BRD8: variants seen among roughly 807,000 people sequenced by gnomAD.
BRD8 encodes bromodomain containing 8.
A neutral mutation model predicts 143.1 loss-of-function variants in BRD8; 67 were observed. The ratio of observed to expected loss-of-function variants is 0.47; its 90% confidence interval spans 0.38 to 0.57. The LOEUF is 0.57. Among genes scored for constraint, BRD8 ranks in the 20% least tolerant of loss-of-function variants. The pLI, the probability that BRD8 is intolerant of heterozygous loss-of-function variation, is 0.00. For synonymous variants in BRD8, 505 were observed against 517.1 expected (o/e 0.98, Z 0.32); for missense variants, 1,103 against 1,503.0 (o/e 0.73, Z 4.40).
Position 138,163,294 on chromosome 5 carries a change from G to A in BRD8, c.1923C>T (p.Ser641=). The change falls in exon 15 of 27, where the codon AGC becomes AGT. Residue 641 remains serine (S), a synonymous_variant. Coordinates refer to ENST00000254900, the MANE Select transcript of BRD8 (RefSeq NM_139199.2). ...EEEDGVSEAA[S]LEEPKEEDQG... ...GATCCTCTTCCTTAGGCTCCTCTAG[G>A]CTGGCCGCTTCACTGACACCATCTT... 6.2e-7 allele frequency: 1 copy of A among 1,614,056 alleles called. No individual in the cohort carries two copies. Among genetic ancestry groups the A allele is most frequent in the Non-Finnish European group, 8.5e-7 (1 of 1,179,996 alleles).
chr5:138,171,205 C>T lies in BRD8; in HGVS notation c.237-45G>A, dbSNP rs376733386. On this transcript the variant is annotated intron_variant, in intron 4 of 26. Transcript: ENST00000254900. ...AAAAATTCATATTCAAATAACATAACATTTATCCCCTCTCCTACTTGCTTT... is the reference window on the plus strand; with the variant it reads ...AAAAATTCATATTCAAATAACATAATATTTATCCCCTCTCCTACTTGCTTT... 102 of 1,561,704 alleles carry T rather than the reference C, an allele frequency of 6.5e-5. 1 individual carries two copies. The highest frequency in any genetic ancestry group is 3.5e-4 in the Admixed American group (20 of 56,886).
At chr5:138,141,930 CATTCCTAAAG>C (rs952060562) in intron 25 of BRD8, among the ~76,000 whole-genome samples, 14 of 151,570 alleles carry the variant, frequency 9.2e-5, no homozygotes, top group Non-Finnish European at 1.6e-4. Flanking sequence ...TTAGTTTCCT[CATTCCTAAAG>C]AAGTTTGTCT....
intron 7 of BRD8, among the ~76,000 whole-genome samples, chr5:138,169,856 G>A (rs1365423265): frequency 2.6e-5 from 4 of 152,206 alleles, no homozygotes; most frequent in Non-Finnish European, 5.9e-5. Flanking sequence ...CTACTCGGGA[G>A]GCTGAGGCAG....
At chr5:138,158,280 G>C (rs1752736824) in intron 20 of BRD8, among the ~76,000 whole-genome samples, 1 of 152,140 alleles carries the variant, frequency 6.6e-6, no homozygotes, top group Non-Finnish European at 1.5e-5. Context: ...TTTCTAGCCT[G>C]ATGCCCTTCC....
At chr5:138,159,716 C>T in intron 19 of BRD8, 117 bp from the exon 20 acceptor site, 3 of 960,942 alleles carry the variant, frequency 3.1e-6, no homozygotes, top group Non-Finnish European at 4.9e-6. Flanking sequence ...TTTTAAAACT[C>T]AAGAACAAGA....
rs1478429459 is a variant in BRD8 at position 138,140,017 on chromosome 5, G to A, written c.*57C>T. 1 of 1,373,442 alleles carries A rather than the reference G, an allele frequency of 7.3e-7. No homozygotes were observed. Among genetic ancestry groups the A allele is most frequent in the South Asian group, 1.2e-5 (1 of 85,344 alleles). 85.1% of individuals were successfully genotyped at this position (1,373,442 alleles called of 1,614,324 possible). ...CAAAGAAGTACCAGGATCCTCTCTA[G>A]GTCAGAGTTCCGGGAGAGATTCAAA... On this transcript the variant is annotated 3_prime_UTR_variant, in exon 27 of 27. Transcript: ENST00000254900.
intron 8 of BRD8, chr5:138,168,533 G>A: frequency 1.2e-6 from 2 of 1,609,518 alleles, no homozygotes; most frequent in African/African-American, 1.3e-5. Flanking sequence ...GAGGGGAGGG[G>A]GGTGGAGTTG....
intron 19 of BRD8, 72 bp downstream of exon 19, chr5:138,159,997 T>A: frequency 8.9e-7 from 1 of 1,119,936 alleles, no homozygotes; most frequent in Non-Finnish European, 1.4e-6. Context: ...AGTAGTAACA[T>A]AAGGGTCCTT....
chr5:138,145,374 T>G, intron 24 of BRD8, 129 bp from the exon 25 acceptor site: 1 of 718,570 alleles, frequency 1.4e-6, no homozygotes, highest in Non-Finnish European at 2.3e-6. Context: ...GGAAAAAATC[T>G]ATTTGTTCCC....
intron 25 of BRD8, among the ~76,000 whole-genome samples, chr5:138,142,217 A>G (rs921856432): frequency 5.9e-5 from 9 of 152,174 alleles, no homozygotes; most frequent in Non-Finnish European, 7.3e-5. Context: ...TACAACAACA[A>G]GGCATCATCT....
intron 2 of BRD8, 98 bp from the exon 3 acceptor site, chr5:138,172,232 A>G (rs1183028556): frequency 2.9e-6 from 3 of 1,039,342 alleles, no homozygotes; most frequent in Non-Finnish European, 4.4e-6. Context: ...TGGAATAAAA[A>G]AGATGCGAAT....
Position 138,166,608 on chromosome 5 carries a change from ACT to A in BRD8, c.905_906del (p.Glu302ValfsTer26). On this transcript the variant is annotated frameshift_variant, in exon 10 of 27. Coordinates refer to ENST00000254900, the MANE Select transcript of BRD8 (RefSeq NM_139199.2). LOFTEE classifies it high-confidence loss of function. Reference sequence around the variant, plus strand: ...ATGACAATGGTAGCTTGGGACACAGACTCTACAGGGGGTGGCACAAGTTTAAC... The same window carrying A: ...ATGACAATGGTAGCTTGGGACACAGACTACAGGGGGTGGCACAAGTTTAAC... ...PPVKLVPPPV[E>X]SVSQATIVMM... 6.2e-7 allele frequency: 1 copy of A among 1,613,632 alleles called. No individual in the cohort carries two copies. Among genetic ancestry groups the A allele is most frequent in the Non-Finnish European group, 8.5e-7 (1 of 1,179,630 alleles).
chr5:138,162,228 C>A, intron 15 of BRD8, 82 bp from the exon 16 acceptor site: 1 of 1,095,354 alleles, frequency 9.1e-7, no homozygotes, highest in Admixed American at 2.2e-5. Context: ...GAGACAGGGT[C>A]TCACTCTGTC....
chr5:138,161,879 T>G lies in BRD8; in HGVS notation c.2181-15A>C, dbSNP rs1337500705. 6.2e-7 allele frequency: 1 copy of G among 1,613,644 alleles called. No individual in the cohort carries two copies. Among genetic ancestry groups the G allele is most frequent in the African/African-American group, 1.3e-5 (1 of 74,920 alleles). ...CATTGGCATACCTGTCCAAAAGGAATAAGGTGCAATTACTGACATTCTCCA... is the reference window on the plus strand; with the variant it reads ...CATTGGCATACCTGTCCAAAAGGAAGAAGGTGCAATTACTGACATTCTCCA... On this transcript the variant is annotated splice_polypyrimidine_tract_variant and intron_variant, in intron 16 of 26. Coordinates refer to ENST00000254900, the MANE Select transcript of BRD8 (RefSeq NM_139199.2).
intron 23 of BRD8, among the ~76,000 whole-genome samples, chr5:138,149,278 A>AT (rs939301815): frequency 6.6e-6 from 1 of 150,612 alleles, no homozygotes; most frequent in Admixed American, 6.6e-5. Flanking sequence ...TACCTGGCTA[A>AT]TTTTTTTTTA....
chr5:138,140,636 A>C, intron 26 of BRD8, 69 bp downstream of exon 26: 1 of 1,508,446 alleles, frequency 6.6e-7, no homozygotes, highest in Non-Finnish European at 9.2e-7. Context: ...GTCACCTCGA[A>C]ATCACCTTTA....
intron 7 of BRD8, 122 bp downstream of exon 7, chr5:138,170,223 T>C: frequency 1.3e-6 from 1 of 745,966 alleles, no homozygotes; most frequent in Non-Finnish European, 2.3e-6. Context: ...TTTATTCTGG[T>C]AGAAGAGAAA....
chr5:138,165,989 G>A lies in BRD8; in HGVS notation c.1117C>T (p.Arg373Ter). 1.2e-6 allele frequency: 2 copies of A among 1,614,090 alleles called. No homozygotes were observed. The highest frequency in any genetic ancestry group is 8.5e-7 in the Non-Finnish European group (1 of 1,180,032). The change falls in exon 11 of 27, where the codon CGA becomes TGA. Residue 373 changes from arginine to a stop codon, truncating the protein, a stop_gained. Transcript: ENST00000254900. LOFTEE classifies it high-confidence loss of function. ...ACAGGAGCCTCTGCTACCCCTGATC[G>A]AAAACACTCTTCTTTGATAGAATTG... is the stretch of plus-strand genomic sequence containing the variant. ...IINSIKEECFRSGVAEAPVGS... is the reference protein window; with the variant it reads ...IINSIKEECF
At chr5:138,144,167 T>G (rs1345309382) in intron 25 of BRD8, among the ~76,000 whole-genome samples, 1 of 152,026 alleles carries the variant, frequency 6.6e-6, no homozygotes, top group South Asian at 2.1e-4. Flanking sequence ...GGTCTGCAGC[T>G]TCACTCCTGA....
Sources: allele counts gnomAD v4.1 joint callset (sites outside exome capture counted in the v4.1 genomes callset), GRCh38; gene constraint gnomAD v4.1.1; transcripts MANE v1.5; gene names NCBI Gene and HGNC (gene_info 2026-07-23, HGNC 2026-07-21).